The following SFXN4 variants were observed in gnomAD, a reference collection of about 807,000 sequenced individuals.
SFXN4 encodes the protein sideroflexin 4.
SFXN4 carries 48 observed loss-of-function variants against 54.6 expected under a neutral mutation model. That is an observed-to-expected ratio of 0.88 (90% confidence interval 0.70 to 1.12). The LOEUF is 1.12. SFXN4 is among the 50% of genes most tolerant of loss of function. SFXN4 has a pLI of 0.00. For missense variants in SFXN4, 383 were observed against 409.2 expected (o/e 0.94, Z 0.55); for synonymous variants, 130 against 145.5 (o/e 0.89, Z 0.77).
At chr10:119,156,082 T>C (rs576312544) in intron 10 of SFXN4, among the ~76,000 whole-genome samples, 1 of 152,290 alleles carries the variant, frequency 6.6e-6, no homozygotes, top group South Asian at 2.1e-4. Flanking sequence ...TAAGTTGTTG[T>C]CGGGATTAAG....
chr10:119,157,556 A>T, intron 9 of SFXN4, 112 bp downstream of exon 9: 2 of 845,798 alleles, frequency 2.4e-6, no homozygotes, highest in Non-Finnish European at 3.7e-6. Flanking sequence ...TTTATTTCCT[A>T]GTCATATTTT....
At chr10:119,145,743 TAA>T (rs1846765377) in intron 13 of SFXN4, among the ~76,000 whole-genome samples, 1 of 152,172 alleles carries the variant, frequency 6.6e-6, no homozygotes, top group African/African-American at 2.4e-5. Context: ...TATTAATGGT[TAA>T]GTTTTCAGGG....
chr10:119,156,242 G>C (rs111983736), intron 10 of SFXN4, among the ~76,000 whole-genome samples: 135 of 152,264 alleles, frequency 8.9e-4, no homozygotes, highest in African/African-American at 3.2e-3. Flanking sequence ...GGCCAACATG[G>C]TGAAAGCCTG....
chr10:119,141,456 T>C, intron 13 of SFXN4, 137 bp from the exon 14 acceptor site: 1 of 339,668 alleles, frequency 2.9e-6, no homozygotes, highest in Non-Finnish European at 5.0e-6. Flanking sequence ...TAGCAGAAAA[T>C]GTAACCTATT....
intron 11 of SFXN4, among the ~76,000 whole-genome samples, chr10:119,151,726 G>C (rs926000966): frequency 3.3e-5 from 5 of 151,814 alleles, no homozygotes; most frequent in Admixed American, 2.6e-4. Flanking sequence ...ATGTTGGCCA[G>C]GCTGGTCTCA....
chr10:119,156,682 G>C lies in SFXN4; in HGVS notation c.612C>G (p.Phe204Leu). 1 of 1,608,818 alleles carries C rather than the reference G, an allele frequency of 6.2e-7. No homozygotes were observed. The highest frequency in any genetic ancestry group is 8.5e-7 in the Non-Finnish European group (1 of 1,177,098). The change falls in exon 10 of 14, where the codon TTC becomes TTG. Residue 204 changes from phenylalanine (F) to leucine (L), a missense_variant. Physicochemically the swap from Phe to Leu is conservative, Grantham distance 22. Transcript: ENST00000355697. Reference sequence around the variant, plus strand: ...CCTCCAGCCCTTCCTGCTCACCGAGGAAGATCACAGGTAAGAGTCTTTTAA... The same window carrying C: ...CCTCCAGCCCTTCCTGCTCACCGAGCAAGATCACAGGTAAGAGTCTTTTAA... ...PWIKRLLPVI[F>L]LVQASGMNVY...
intron 11 of SFXN4, among the ~76,000 whole-genome samples, chr10:119,153,928 C>T (rs958781863): frequency 7.2e-5 from 11 of 151,864 alleles, no homozygotes; most frequent in African/African-American, 9.7e-5. Context: ...CTGTAATCCC[C>T]GTACGTTGGG....
intron 11 of SFXN4, among the ~76,000 whole-genome samples, chr10:119,153,072 T>A (rs1847137272): frequency 6.6e-6 from 1 of 152,146 alleles, no homozygotes; most frequent in Admixed American, 6.6e-5. Context: ...TATACCAGGT[T>A]CTCACGGCTG....
At chr10:119,154,714 C>G (rs1376691181) in intron 11 of SFXN4, among the ~76,000 whole-genome samples, 1 of 152,138 alleles carries the variant, frequency 6.6e-6, no homozygotes, top group African/African-American at 2.4e-5. Context: ...TGCCTGTGGT[C>G]CCAGCTACTT....
At chr10:119,154,395 G>C (rs977429924) in intron 11 of SFXN4, among the ~76,000 whole-genome samples, 2 of 151,948 alleles carry the variant, frequency 1.3e-5, no homozygotes, top group Non-Finnish European at 2.9e-5. Flanking sequence ...TCTCCTAATA[G>C]ACATGTACTG....
chr10:119,154,359 T>G (rs556373446), intron 11 of SFXN4, among the ~76,000 whole-genome samples: 1 of 152,100 alleles, frequency 6.6e-6, no homozygotes, highest in South Asian at 2.1e-4. Flanking sequence ...TTCCCACAAT[T>G]GTGTAAGCCA....
At chr10:119,157,833 C>G (rs182044997) in intron 8 of SFXN4, 38 bp downstream of exon 8, 1 of 1,612,234 alleles carries the variant, frequency 6.2e-7, no homozygotes, top group Non-Finnish European at 8.5e-7. Context: ...AAAGGAATAA[C>G]ACAAAACCCC....
chr10:119,154,902 CT>C lies in SFXN4; in HGVS notation c.732+159del, dbSNP rs34654417. Among the ~76,000 whole-genome samples the C allele has an allele frequency of 0.67, 102,157 of 152,050 alleles. 34,662 individuals are homozygous for C. The highest frequency in any genetic ancestry group is 0.75 in the African/African-American group (30,933 of 41,474). On this transcript the variant is annotated intron_variant, in intron 11 of 13. Transcript: ENST00000355697. Reference sequence around the variant, plus strand: ...CAGAGAACCCAGACTAATGCCCCATCTTATCAGGGGGCAAAATGAGAAATTT... The same window carrying C: ...CAGAGAACCCAGACTAATGCCCCATCTATCAGGGGGCAAAATGAGAAATTT...
At chr10:119,162,159 C>T in intron 3 of SFXN4, 181 bp downstream of exon 3, 1 of 581,416 alleles carries the variant, frequency 1.7e-6, no homozygotes, top group Non-Finnish European at 3.1e-6. Flanking sequence ...AAAGCTGGTC[C>T]TCTGGGCAGT....
At chr10:119,163,087 C>T (rs868863069) in intron 2 of SFXN4, among the ~76,000 whole-genome samples, 1 of 152,106 alleles carries the variant, frequency 6.6e-6, no homozygotes, top group East Asian at 1.9e-4. Context: ...CATGAGCCAC[C>T]ACAGCCAGCC....
chr10:119,146,290 C>T lies in SFXN4; in HGVS notation c.882G>A (p.Leu294=). 6.2e-7 allele frequency: 1 copy of T among 1,613,662 alleles called. No individual in the cohort carries two copies. Among genetic ancestry groups the T allele is most frequent in the Non-Finnish European group, 8.5e-7 (1 of 1,179,792 alleles). The change falls in exon 13 of 14, where the codon CTG becomes CTA. Residue 294 remains leucine (L), a synonymous_variant. Coordinates refer to ENST00000355697, the MANE Select transcript of SFXN4 (RefSeq NM_213649.2). ...LWILKLSCTV[L]AMGLMVPFSF... is the part of the protein sequence containing the mutation. ...AAAATGGCACCATCAGTCCCATTGCCAGGACAGTACAAGACAGTTTCAAAA... is the reference window on the plus strand; with the variant it reads ...AAAATGGCACCATCAGTCCCATTGCTAGGACAGTACAAGACAGTTTCAAAA...
chr10:119,164,766 C>T (rs1448917659), intron 1 of SFXN4, among the ~76,000 whole-genome samples: 1 of 152,000 alleles, frequency 6.6e-6, no homozygotes, highest in African/African-American at 2.4e-5. Context: ...TTCTCAATTT[C>T]CCCACCTAAA....
At position 119,165,521 on chromosome 10, in the gene SFXN4, C is replaced by G. The variant is rs200351195; in HGVS notation, c.111+16G>C. ...GCCCCCTCCCTGCCCCTAGTCGCGC[C>G]GGGCCCGGGCCGTACTTGGCGCTCG... On this transcript the variant is annotated intron_variant, in intron 1 of 13. Transcript: ENST00000355697. 3 of 1,568,594 alleles carry G rather than the reference C, an allele frequency of 1.9e-6. No homozygotes were observed. Among genetic ancestry groups the G allele is most frequent in the Admixed American group, 1.8e-5 (1 of 55,466 alleles).
intron 11 of SFXN4, 38 bp from the exon 12 acceptor site, chr10:119,147,898 C>A: frequency 6.4e-7 from 1 of 1,551,626 alleles, no homozygotes; most frequent in Non-Finnish European, 8.9e-7. Flanking sequence ...AGGTTGGGCA[C>A]GGTGGCTCAC....
Sources: gnomAD v4.1 joint callset for allele counts (sites outside exome capture counted in the v4.1 genomes callset) on GRCh38, gnomAD v4.1.1 for gene constraint, MANE v1.5 for transcripts, NCBI Gene and HGNC (gene_info 2026-07-23, HGNC 2026-07-21) for gene names.